PRKG1: variants seen among roughly 807,000 people sequenced by gnomAD.
The protein encoded by PRKG1 is protein kinase cGMP-dependent 1.
Under a neutral mutation model 88.1 loss-of-function variants are expected in PRKG1, and 35 were observed. The ratio of observed to expected loss-of-function variants is 0.40; its 90% confidence interval spans 0.30 to 0.53. The LOEUF is 0.53. Among genes scored for constraint, PRKG1 ranks in the 20% least tolerant of loss-of-function variants. The pLI is 0.59. For missense variants in PRKG1, 540 were observed against 839.8 expected (o/e 0.64, Z 4.41); for synonymous variants, 303 against 292.5 (o/e 1.04, Z -0.37).
Position 51,735,921 on chromosome 10 carries a change from TTA to T in PRKG1, c.593-68663_593-68662del, listed in dbSNP as rs1415568182. On this transcript the variant is annotated intron_variant, in intron 3 of 17. Coordinates refer to ENST00000373980, the MANE Select transcript of PRKG1 (RefSeq NM_006258.4). ...TATTTATTTATTTTTCCCTCCAACTTTAAGTTGTCTTTTTTTTTTTTTTTTTT... is the reference window on the plus strand; with the variant it reads ...TATTTATTTATTTTTCCCTCCAACTTAGTTGTCTTTTTTTTTTTTTTTTTT... 4.9e-5 allele frequency among the ~76,000 whole-genome samples: 7 copies of T among 141,742 alleles called. No homozygotes were observed. The East Asian group carries it at 1.2e-3, about 25-fold the overall frequency. 93.0% of individuals were successfully genotyped at this position (141,742 alleles called of 152,430 possible). A position where few individuals can be genotyped will look rare whatever the true frequency, so the allele number is the denominator to read the frequency against.
intron 3 of PRKG1, among the ~76,000 whole-genome samples, chr10:51,779,840 G>A (rs749399076): frequency 6.6e-6 from 1 of 152,096 alleles, no homozygotes; most frequent in Non-Finnish European, 1.5e-5. Flanking sequence ...GCCTACCATA[G>A]TCATTTCCTG....
chr10:52,016,829 C>T (rs1385333458), intron 5 of PRKG1, among the ~76,000 whole-genome samples: 2 of 151,886 alleles, frequency 1.3e-5, no homozygotes, highest in African/African-American at 4.8e-5. Flanking sequence ...AAAAACACAG[C>T]AATAACAGAA....
chr10:52,019,591 G>T (rs1042574165), intron 5 of PRKG1, among the ~76,000 whole-genome samples: 1 of 152,148 alleles, frequency 6.6e-6, no homozygotes, highest in East Asian at 1.9e-4. Flanking sequence ...TTGTGTTAAT[G>T]AGGATATTTT....
chr10:52,010,259 C>A (rs537723009), intron 5 of PRKG1, among the ~76,000 whole-genome samples: 1 of 152,156 alleles, frequency 6.6e-6, no homozygotes, highest in African/African-American at 2.4e-5. Flanking sequence ...GGAGAAAATA[C>A]TTGCAAACTA....
intron 1 of PRKG1, among the ~76,000 whole-genome samples, chr10:51,122,374 G>A (rs1266910639): frequency 3.3e-5 from 5 of 152,138 alleles, no homozygotes; most frequent in Non-Finnish European, 5.9e-5. Context: ...AGCACCAAGA[G>A]GCTTTTGTTC....
At chr10:51,379,098 T>C (rs1174229263) in intron 2 of PRKG1, among the ~76,000 whole-genome samples, 2 of 152,188 alleles carry the variant, frequency 1.3e-5, no homozygotes, top group Non-Finnish European at 2.9e-5. Flanking sequence ...CTTACTAAAC[T>C]TCCTGTGTTT....
intron 10 of PRKG1, among the ~76,000 whole-genome samples, chr10:52,259,851 G>A (rs555852820): frequency 2.0e-5 from 3 of 152,140 alleles, no homozygotes; most frequent in African/African-American, 7.2e-5. Context: ...ACTGGCATAG[G>A]CAAAATCCAG....
At chr10:51,212,721 C>T (rs950070477) in intron 2 of PRKG1, among the ~76,000 whole-genome samples, 24 of 152,186 alleles carry the variant, frequency 1.6e-4, no homozygotes, top group African/African-American at 4.6e-4. Context: ...AAAAAATACT[C>T]ATCATCACTG....
intron 1 of PRKG1, among the ~76,000 whole-genome samples, chr10:51,112,533 A>G (rs1845002453): frequency 1.3e-5 from 2 of 152,114 alleles, no homozygotes; most frequent in South Asian, 4.1e-4. Context: ...GCCTTTCATT[A>G]GATTCATAAT....
chr10:51,317,876 C>G (rs1363186353), intron 2 of PRKG1, among the ~76,000 whole-genome samples: 2 of 150,618 alleles, frequency 1.3e-5, no homozygotes, highest in African/African-American at 5.0e-5. Flanking sequence ...CTGATTTAGC[C>G]TCTCTAACCA....
chr10:51,958,921 C>A (rs558775504), intron 5 of PRKG1, among the ~76,000 whole-genome samples: 1 of 152,070 alleles, frequency 6.6e-6, no homozygotes, highest in Non-Finnish European at 1.5e-5. Flanking sequence ...TATGTTAAAA[C>A]CTAAATGGTG....
chr10:51,151,281 C>G (rs930675101), intron 1 of PRKG1, among the ~76,000 whole-genome samples: 2 of 151,928 alleles, frequency 1.3e-5, no homozygotes, highest in Admixed American at 1.3e-4. Flanking sequence ...GAAGGTGCCA[C>G]TGCTATTCTT....
chr10:51,825,968 C>CCT (rs1839871967), intron 4 of PRKG1, among the ~76,000 whole-genome samples: 1 of 152,090 alleles, frequency 6.6e-6, no homozygotes, highest in Non-Finnish European at 1.5e-5. Context: ...AAAGGAGAAG[C>CCT]AGGTGGGTTT....
chr10:51,219,136 T>C (rs1461692178), intron 2 of PRKG1, among the ~76,000 whole-genome samples: 1 of 152,158 alleles, frequency 6.6e-6, no homozygotes, highest in Non-Finnish European at 1.5e-5. Flanking sequence ...AGCTGATAAT[T>C]TTACCTATGA....
At chr10:51,591,102 A>C (rs79305850) in intron 3 of PRKG1, among the ~76,000 whole-genome samples, 4,746 of 152,200 alleles carry the variant, frequency 0.031, 138 homozygotes, top group Middle Eastern at 0.075. Flanking sequence ...AATTGCCTGA[A>C]CTCGGATTGA....
intron 4 of PRKG1, among the ~76,000 whole-genome samples, chr10:51,857,137 C>A (rs1205155611): frequency 6.6e-6 from 1 of 152,056 alleles, no homozygotes; most frequent in Admixed American, 6.5e-5. Flanking sequence ...TTAATTTTCA[C>A]ATTTCATTTG....
chr10:51,786,509 A>C (rs944677007), intron 3 of PRKG1, among the ~76,000 whole-genome samples: 1 of 151,986 alleles, frequency 6.6e-6, no homozygotes, highest in Non-Finnish European at 1.5e-5. Context: ...CACTTTTTCC[A>C]TGGGGAACTC....
intron 2 of PRKG1, among the ~76,000 whole-genome samples, chr10:51,242,524 C>T (rs979580279): frequency 6.6e-5 from 10 of 152,156 alleles, no homozygotes; most frequent in African/African-American, 2.4e-4. Flanking sequence ...AATACCCTGA[C>T]ATTTTCCTAG....
chr10:51,408,131 G>C (rs536961459), intron 2 of PRKG1, among the ~76,000 whole-genome samples: 22 of 152,288 alleles, frequency 1.4e-4, no homozygotes, highest in African/African-American at 5.1e-4. Flanking sequence ...TCCTGGACCT[G>C]TGAATCCCGG....
Sources: allele counts gnomAD v4.1 joint callset (sites outside exome capture counted in the v4.1 genomes callset), GRCh38; gene constraint gnomAD v4.1.1; transcripts MANE v1.5; gene names NCBI Gene and HGNC (gene_info 2026-07-23, HGNC 2026-07-21).